The following NCOA2 variants were observed in gnomAD, a reference collection of about 807,000 sequenced individuals.
NCOA2 encodes nuclear receptor coactivator 2, also known as class E basic helix-loop-helix protein 75.
A neutral mutation model predicts 145.1 loss-of-function variants in NCOA2; 21 were observed. That is an observed-to-expected ratio of 0.14 (90% CI 0.10 to 0.21). The LOEUF (loss-of-function observed/expected upper bound fraction) is 0.21. NCOA2 is among the 10% of genes least tolerant of loss of function. The probability of loss-of-function intolerance (pLI) is 1.00; values close to 1 mark genes in which losing one functional copy is unlikely to be tolerated. For missense variants in NCOA2, 1,472 were observed against 1,837.6 expected (o/e 0.80, Z 3.64); for synonymous variants, 619 against 637.5 (o/e 0.97, Z 0.44).
chr8:70,354,994 T>A (rs996870030), intron 1 of NCOA2, among the ~76,000 whole-genome samples: 1 of 152,252 alleles, frequency 6.6e-6, no homozygotes, highest in Non-Finnish European at 1.5e-5. Context: ...GGTCCTCGAA[T>A]GTTTGCTTTG....
intron 21 of NCOA2, among the ~76,000 whole-genome samples, chr8:70,121,818 C>A (rs1375849698): frequency 2.0e-5 from 3 of 152,204 alleles, no homozygotes; most frequent in African/African-American, 7.2e-5. Context: ...AGTGTAAATA[C>A]CCAAACTAGT....
the NCOA2 span, among the ~76,000 whole-genome samples, chr8:70,442,761 T>C: frequency 6.6e-6 from 1 of 152,172 alleles, no homozygotes; most frequent in African/African-American, 2.4e-5. Context: ...CTTGAAGTCT[T>C]TAATAACCAC....
chr8:70,440,813 A>G, the NCOA2 span, among the ~76,000 whole-genome samples: 1 of 151,174 alleles, frequency 6.6e-6, no homozygotes, highest in African/African-American at 2.4e-5. Context: ...AAGACAAGAA[A>G]GGAAAGAGAG....
At chr8:70,119,586 C>T (rs1414566543) in intron 22 of NCOA2, among the ~76,000 whole-genome samples, 4 of 152,190 alleles carry the variant, frequency 2.6e-5, no homozygotes, top group African/African-American at 9.7e-5. Flanking sequence ...AGCAGTGTGA[C>T]TCCTGGATCA....
chr8:70,356,235 T>C (rs1809671058), intron 1 of NCOA2, among the ~76,000 whole-genome samples: 1 of 152,188 alleles, frequency 6.6e-6, no homozygotes, highest in African/African-American at 2.4e-5. Context: ...GGTAGGCATA[T>C]GGCCTGAGTC....
intron 1 of NCOA2, among the ~76,000 whole-genome samples, chr8:70,372,022 A>C (rs1811270385): frequency 6.6e-6 from 1 of 152,192 alleles, no homozygotes; most frequent in South Asian, 2.1e-4. Context: ...TAGGGAAAAA[A>C]TGTTATTAGG....
At chr8:70,165,520 C>T (rs1379888109) in intron 7 of NCOA2, among the ~76,000 whole-genome samples, 1 of 152,164 alleles carries the variant, frequency 6.6e-6, no homozygotes, top group Admixed American at 6.5e-5. Context: ...TCAGCTCTTT[C>T]CCTTCTGCTC....
chr8:70,432,588 A>G, the NCOA2 span, among the ~76,000 whole-genome samples: 1 of 152,288 alleles, frequency 6.6e-6, no homozygotes. Flanking sequence ...GCTTGAACCC[A>G]GGAGATGGAG....
the NCOA2 span, among the ~76,000 whole-genome samples, chr8:70,437,580 T>C: frequency 6.6e-6 from 1 of 152,254 alleles, no homozygotes; most frequent in Non-Finnish European, 1.5e-5. Flanking sequence ...AAAGTGTTTT[T>C]CTGGTAAAAT....
rs146836702 is a variant in NCOA2, at chr8:70,130,732, C to A, written c.3324+1105G>T. ...CATCTTTCTCTCAGAAAGATGATGA[C>A]ACATCATATGGCCAAGAAGTAGACT... On this transcript the variant is annotated intron_variant, in intron 16 of 22. Transcript: ENST00000452400. Among the ~76,000 whole-genome samples, 7 of 152,268 alleles carry A rather than the reference C, an allele frequency of 4.6e-5. No homozygotes were observed. The East Asian group carries it at 1.3e-3, about 29-fold the overall frequency.
chr8:70,244,766 G>A (rs908659781), intron 2 of NCOA2, among the ~76,000 whole-genome samples: 1 of 135,944 alleles, frequency 7.4e-6, no homozygotes, highest in African/African-American at 2.6e-5. Context: ...GCGTGACACT[G>A]TATTTGGCTA....
chr8:70,411,461 T>C, the NCOA2 span, among the ~76,000 whole-genome samples: 1 of 152,226 alleles, frequency 6.6e-6, no homozygotes, highest in Admixed American at 6.5e-5. Flanking sequence ...TGTTACTATA[T>C]ATTAGAAACA....
chr8:70,134,074 T>C (rs1463473512), intron 15 of NCOA2, among the ~76,000 whole-genome samples: 1 of 152,180 alleles, frequency 6.6e-6, no homozygotes, highest in Non-Finnish European at 1.5e-5. Flanking sequence ...TTGTCACTAC[T>C]GGGCTTCACA....
intron 4 of NCOA2, among the ~76,000 whole-genome samples, chr8:70,206,216 A>C (rs1446864231): frequency 1.3e-5 from 2 of 152,134 alleles, no homozygotes; most frequent in African/African-American, 2.4e-5. Flanking sequence ...GATATTTAAG[A>C]ATTTCTCTAT....
intron 1 of NCOA2, among the ~76,000 whole-genome samples, chr8:70,320,939 T>C (rs751769109): frequency 1.3e-5 from 2 of 152,212 alleles, no homozygotes; most frequent in African/African-American, 2.4e-5. Context: ...CTTTCTGTAT[T>C]TGCCTTTTGA....
chr8:70,187,808 A>G (rs1274751866), intron 4 of NCOA2, among the ~76,000 whole-genome samples: 1 of 151,854 alleles, frequency 6.6e-6, no homozygotes, highest in African/African-American at 2.4e-5. Context: ...TCAAATAATG[A>G]AATAAAATAA....
the NCOA2 span, among the ~76,000 whole-genome samples, chr8:70,417,552 A>AAAACAAAC: frequency 7.9e-5 from 12 of 151,236 alleles, no homozygotes; most frequent in South Asian, 8.4e-4. Flanking sequence ...TCTGTCTCAA[A>AAAACAAAC]AAACAAACAA....
rs1407144985 is a variant in NCOA2 at position 70,124,840 on chromosome 8, G to C, written c.3942C>G (p.Gly1314=). ...TCTGGGGAGTCGTAGCCCCAGTAAA[G>C]CCTGGATCAGGTTGCTGACTTATTC... ...NYGISQQPDP[G]FTGATTPQSP... is the part of the protein sequence containing the mutation. The change falls in exon 20 of 23, where the codon GGC becomes GGG. Residue 1314 remains glycine (G), a synonymous_variant. Transcript: ENST00000452400. 2 of 1,598,632 alleles carry C rather than the reference G, an allele frequency of 1.3e-6. No individual in the cohort carries two copies. The highest frequency in any genetic ancestry group is 1.7e-6 in the Non-Finnish European group (2 of 1,175,416).
intron 7 of NCOA2, 36 bp from the exon 8 acceptor site, chr8:70,163,602 C>G: frequency 6.5e-7 from 1 of 1,529,870 alleles, no homozygotes. Context: ...TCATATTGGG[C>G]TTTTCTAGTG....
Sources: gnomAD v4.1 joint callset for allele counts (sites outside exome capture counted in the v4.1 genomes callset) on GRCh38, gnomAD v4.1.1 for gene constraint, MANE v1.5 for transcripts, NCBI Gene and HGNC (gene_info 2026-07-23, HGNC 2026-07-21) for gene names.